Variants in FBLN1 observed in about 807,000 individuals in gnomAD.
The protein encoded by FBLN1 is fibulin 1, also known as fibulin-1.
A neutral mutation model predicts 89.7 loss-of-function variants in FBLN1; 34 were observed. That is an observed-to-expected ratio of 0.38 (90% confidence interval 0.29 to 0.50). FBLN1 has a LOEUF of 0.50. Ranked by LOEUF, FBLN1 falls within the 20% of genes least tolerant of loss-of-function variation. The probability of loss-of-function intolerance (pLI) is 0.92; values close to 1 mark genes in which losing one functional copy is unlikely to be tolerated. For synonymous variants in FBLN1, 393 were observed against 391.3 expected (o/e 1.00, Z -0.05); for missense variants, 777 against 988.1 (o/e 0.79, Z 2.86).
intron 1 of FBLN1, among the ~76,000 whole-genome samples, chr22:45,508,868 A>C (rs751929159): frequency 2.2e-4 from 33 of 152,232 alleles, no homozygotes; most frequent in Non-Finnish European, 3.7e-4. Context: ...GCTCAGACTC[A>C]TGGCACTAAG....
intron 11 of FBLN1, among the ~76,000 whole-genome samples, chr22:45,546,036 G>A (rs553672451): frequency 6.6e-6 from 1 of 152,252 alleles, no homozygotes; most frequent in South Asian, 2.1e-4. Flanking sequence ...TAATCCCCCA[G>A]CTACTCAGGA....
In FBLN1 at chr22:45,531,666, G is replaced by A. The variant is rs149365286; in HGVS notation, c.544+342G>A. Reference sequence around the variant, plus strand: ...AGCCATGAGCCACTTCCACCCTGAGGAGTCGTGGACTCCCAGCTCCTCCTT... The same window carrying A: ...AGCCATGAGCCACTTCCACCCTGAGAAGTCGTGGACTCCCAGCTCCTCCTT... On this transcript the variant is annotated intron_variant, in intron 5 of 16. Coordinates refer to ENST00000327858, the MANE Select transcript of FBLN1 (RefSeq NM_006486.3). The surrounding 1 kb of genome is among the most constrained non-coding windows in gnomAD (Gnocchi z 4.9). Among the ~76,000 whole-genome samples the A allele has an allele frequency of 3.6e-3, 552 of 152,350 alleles. 4 individuals carry two copies. The highest frequency in any genetic ancestry group is 0.013 in the African/African-American group (523 of 41,574).
intron 16 of FBLN1, among the ~76,000 whole-genome samples, chr22:45,594,137 C>G (rs1160055881): frequency 2.3e-5 from 3 of 132,852 alleles, no homozygotes; most frequent in Non-Finnish European, 4.5e-5. Context: ...AACCAGGCCC[C>G]TGGTGGCAGC....
intron 9 of FBLN1, among the ~76,000 whole-genome samples, chr22:45,541,692 A>G (rs2088558182): frequency 6.6e-6 from 1 of 152,206 alleles, no homozygotes; most frequent in South Asian, 2.1e-4. Context: ...GAGCTGGCCC[A>G]ACTCCACAAA....
At position 45,554,153 on chromosome 22, in the gene FBLN1, A is replaced by G. The variant is rs187561948; in HGVS notation, c.1697+3538A>G. On this transcript the variant is annotated intron_variant, in intron 14 of 16. Transcript: ENST00000327858. ...GTCTTCCAGCCAGTAGAGCGGGAGGACGATGGGAGACAGTGGAGGGAGCGA... is the reference window on the plus strand; with the variant it reads ...GTCTTCCAGCCAGTAGAGCGGGAGGGCGATGGGAGACAGTGGAGGGAGCGA... 2.4e-3 allele frequency among the ~76,000 whole-genome samples: 367 copies of G among 152,340 alleles called. 3 individuals carry two copies. The highest frequency in any genetic ancestry group is 4.6e-3 in the Non-Finnish European group (310 of 68,032).
intron 7 of FBLN1, among the ~76,000 whole-genome samples, chr22:45,534,413 C>T (rs956531757): frequency 6.6e-6 from 1 of 152,060 alleles, no homozygotes; most frequent in African/African-American, 2.4e-5. Flanking sequence ...TCCCCTTCCA[C>T]TGCATAAACA....
chr22:45,502,908 C>A lies in FBLN1; in HGVS notation c.-78C>A. 1 of 519,760 alleles carries A rather than the reference C, an allele frequency of 1.9e-6. No individual in the cohort carries two copies. Among genetic ancestry groups the A allele is most frequent in the African/African-American group, 2.1e-5 (1 of 48,376 alleles). The allele number at this position is 519,760 out of a possible 1,614,324, so 32.2% of individuals were successfully genotyped here. The stretch of plus-strand genomic sequence containing the variant: ...GTTGGCTGCCGAGGCTCGGCCGGAG[C>A]GTGGAGCCCGCGCCGCTGCCCCAGG... On this transcript the variant is annotated 5_prime_UTR_variant, in exon 1 of 17. Coordinates refer to ENST00000327858, the MANE Select transcript of FBLN1 (RefSeq NM_006486.3).
intron 16 of FBLN1, among the ~76,000 whole-genome samples, chr22:45,593,156 A>G (rs951903862): frequency 7.5e-6 from 1 of 133,606 alleles, no homozygotes; most frequent in Non-Finnish European, 1.6e-5. Context: ...AGGCAGAGAG[A>G]CCCCCCCCAC....
Position 45,531,515 on chromosome 22 carries a change from G to A in FBLN1, c.544+191G>A, listed in dbSNP as rs188263116. ...AGCCTGGGCAACAGAGCTGGACCCC[G>A]TCTCAAAAACAAAAAAACAAACAAA... On this transcript the variant is annotated intron_variant, in intron 5 of 16. Transcript: ENST00000327858. The surrounding 1 kb of genome is among the most constrained non-coding windows in gnomAD (Gnocchi z 4.9). 9.9e-5 allele frequency among the ~76,000 whole-genome samples: 15 copies of A among 152,228 alleles called. No homozygotes were observed. The highest frequency in any genetic ancestry group is 3.9e-4 in the Admixed American group (6 of 15,288).
At chr22:45,523,380 T>C (rs916342945) in intron 2 of FBLN1, among the ~76,000 whole-genome samples, 1 of 152,132 alleles carries the variant, frequency 6.6e-6, no homozygotes, top group Non-Finnish European at 1.5e-5. Flanking sequence ...GGACACTTGA[T>C]TGCTTCCACC....
intron 2 of FBLN1, among the ~76,000 whole-genome samples, chr22:45,524,688 G>A (rs998325456): frequency 1.3e-5 from 2 of 152,176 alleles, no homozygotes; most frequent in African/African-American, 4.8e-5. Flanking sequence ...AACATTGTGC[G>A]GGTGAAGCCT....
At chr22:45,591,999 A>T (rs558452327) in intron 16 of FBLN1, among the ~76,000 whole-genome samples, 1 of 148,990 alleles carries the variant, frequency 6.7e-6, no homozygotes, top group African/African-American at 2.4e-5. Context: ...GGAGGGAGGA[A>T]GTGTCCTGCG....
Position 45,577,160 on chromosome 22 carries a change from C to G in FBLN1, c.1972+52C>G, listed in dbSNP as rs747088681. 12 of 1,605,136 alleles carry G rather than the reference C, an allele frequency of 7.5e-6. No individual in the cohort carries two copies. The highest frequency in any genetic ancestry group is 2.2e-5 in the East Asian group (1 of 44,822). On this transcript the variant is annotated intron_variant, in intron 16 of 16. Transcript: ENST00000327858. This position sits in a 1 kb window ranked among gnomAD's most constrained non-coding sequence, Gnocchi z 6.6. The stretch of plus-strand genomic sequence containing the variant: ...TCCAGGCACCCCTCCCCCTCCACCC[C>G]GAAACCCTCTCTGGCCCAGCCCAAC...
rs2088317505 is a variant in FBLN1, at chr22:45,525,682, A to G, written c.321+4A>G. 6.4e-7 allele frequency: 1 copy of G among 1,551,302 alleles called. No homozygotes were observed. The highest frequency in any genetic ancestry group is 1.4e-5 in the African/African-American group (1 of 73,066). Reference sequence around the variant, plus strand: ...CCTGGAGGCCACATTTGTGAAGGTGAGAGCCAAAGACCATGTGGGGTCGCT... The same window carrying G: ...CCTGGAGGCCACATTTGTGAAGGTGGGAGCCAAAGACCATGTGGGGTCGCT... On this transcript the variant is annotated splice_donor_region_variant and intron_variant, in intron 3 of 16. Coordinates refer to ENST00000327858, the MANE Select transcript of FBLN1 (RefSeq NM_006486.3).
At position 45,545,393 on chromosome 22, in the gene FBLN1, C is replaced by T. The variant is rs929770806; in HGVS notation, c.1322-1692C>T. Among the ~76,000 whole-genome samples, 3 of 152,184 alleles carry T rather than the reference C, an allele frequency of 2.0e-5. No individual in the cohort carries two copies. The highest frequency in any genetic ancestry group is 6.5e-5 in the Admixed American group (1 of 15,280). On this transcript the variant is annotated intron_variant, in intron 11 of 16. Transcript: ENST00000327858. This position sits in a 1 kb window ranked among gnomAD's most constrained non-coding sequence, Gnocchi z 5.9. ...GTGAAGAGCTTATCACAGGGCCAAGCACAGGATGAAGAGCTGGCGGTGTGG... is the reference window on the plus strand; with the variant it reads ...GTGAAGAGCTTATCACAGGGCCAAGTACAGGATGAAGAGCTGGCGGTGTGG...
At chr22:45,521,896 A>G (rs1407055509) in intron 2 of FBLN1, among the ~76,000 whole-genome samples, 1 of 152,178 alleles carries the variant, frequency 6.6e-6, no homozygotes, top group Non-Finnish European at 1.5e-5. Context: ...ATCAAATCTT[A>G]TTTACAAGAA....
At position 45,585,072 on chromosome 22, in the gene FBLN1, CTTGTGG is replaced by C. The variant is rs574395991; in HGVS notation, c.1972+7967_1972+7972del. Among the ~76,000 whole-genome samples the C allele has an allele frequency of 3.9e-5, 6 of 152,300 alleles. No homozygotes were observed. In the South Asian group the frequency reaches 1.2e-3, roughly 32 times the overall value. On this transcript the variant is annotated intron_variant, in intron 16 of 16. Transcript: ENST00000327858. ...GCCAGAGTTCCCACAGCTGAAAGTGCTTGTGGTTTAGGGGTTGGTGTCATCCCAGTT... is the reference window on the plus strand; with the variant it reads ...GCCAGAGTTCCCACAGCTGAAAGTGCTTTAGGGGTTGGTGTCATCCCAGTT...
rs999591656 is a variant in FBLN1 at position 45,518,543 on chromosome 22, A to T, written c.80-139A>T. 1.7e-4 allele frequency: 113 copies of T among 679,464 alleles called. No individual in the cohort carries two copies. In the African/African-American group the frequency reaches 2.1e-3, roughly 13 times the overall value. 42.1% of individuals were successfully genotyped at this position (679,464 alleles called of 1,614,324 possible). A position where few individuals can be genotyped will look rare whatever the true frequency, so the allele number is the denominator to read the frequency against. ...GGTGGGGTTTTCAGTACTGGTTTGC[A>T]GAGTGACTAAGGGATGTGCCCCCAG... On this transcript the variant is annotated intron_variant, in intron 1 of 16. Coordinates refer to ENST00000327858, the MANE Select transcript of FBLN1 (RefSeq NM_006486.3).
chr22:45,595,509 T>C lies in FBLN1; in HGVS notation c.1973-4798T>C, dbSNP rs553238356. ...CCCTTCACAGCACCCTTTTCCCTAG[T>C]GTGGTCCTTCCTTTCTAGTTGCTCG... On this transcript the variant is annotated intron_variant, in intron 16 of 16. Coordinates refer to ENST00000327858, the MANE Select transcript of FBLN1 (RefSeq NM_006486.3). Among the ~76,000 whole-genome samples the C allele has an allele frequency of 2.0e-5, 3 of 152,296 alleles. No individual in the cohort carries two copies. In the South Asian group the frequency reaches 6.2e-4, roughly 32 times the overall value.
Sources: gnomAD v4.1 joint callset for allele counts (sites outside exome capture counted in the v4.1 genomes callset) on GRCh38, gnomAD v4.1.1 for gene constraint, Gnocchi (gnomAD v3.1) non-coding constraint, MANE v1.5 for transcripts, NCBI Gene and HGNC (gene_info 2026-07-23, HGNC 2026-07-21) for gene names.